The following CLYBL variants were observed in gnomAD, a reference collection of about 807,000 sequenced individuals.
CLYBL encodes the protein citramalyl-CoA lyase.
Under a neutral mutation model 38.9 loss-of-function variants are expected in CLYBL, and 31 were observed. The ratio of observed to expected loss-of-function variants is 0.80; its 90% CI spans 0.60 to 1.08. The LOEUF is 1.08. Among genes scored for constraint, CLYBL ranks in the 50% least tolerant of loss-of-function variants. The pLI is 0.00. For synonymous variants in CLYBL, 171 were observed against 158.6 expected (o/e 1.08, Z -0.59); for missense variants, 434 against 411.6 (o/e 1.05, Z -0.47).
chr13:99,667,373 C>T (rs184075410), intron 1 of CLYBL, among the ~76,000 whole-genome samples: 263 of 152,040 alleles, frequency 1.7e-3, no homozygotes, highest in Non-Finnish European at 3.0e-3. Flanking sequence ...CCTCCCCACC[C>T]ACATACACAT....
chr13:99,715,029 A>G (rs995199618), intron 1 of CLYBL, among the ~76,000 whole-genome samples: 16 of 152,310 alleles, frequency 1.1e-4, no homozygotes, highest in African/African-American at 3.8e-4. Context: ...GATGGGCCTC[A>G]CTGTAAGGTT....
At chr13:99,886,920 C>T (rs894530338) in intron 7 of CLYBL, among the ~76,000 whole-genome samples, 1 of 152,156 alleles carries the variant, frequency 6.6e-6, no homozygotes, top group Non-Finnish European at 1.5e-5. Context: ...CTCACCAGGG[C>T]CTGGCACAAG....
chr13:99,861,714 T>C (rs1023953653), intron 3 of CLYBL, among the ~76,000 whole-genome samples: 1 of 152,152 alleles, frequency 6.6e-6, no homozygotes, highest in Non-Finnish European at 1.5e-5. Flanking sequence ...AAAGCTGTGA[T>C]TTATTTTAGC....
chr13:99,659,396 T>TA (rs1469111696), intron 1 of CLYBL, among the ~76,000 whole-genome samples: 1 of 152,182 alleles, frequency 6.6e-6, no homozygotes, highest in Non-Finnish European at 1.5e-5. Flanking sequence ...ATCTGCTGTG[T>TA]TTAATAGCAA....
At chr13:99,883,604 G>T (rs10220015) in intron 7 of CLYBL, among the ~76,000 whole-genome samples, 5 of 151,930 alleles carry the variant, frequency 3.3e-5, no homozygotes, top group Admixed American at 6.6e-5. Flanking sequence ...AGTAGGCTGC[G>T]TGTCCTCAGG....
intron 1 of CLYBL, among the ~76,000 whole-genome samples, chr13:99,761,513 C>CT (rs1256848981): frequency 6.6e-6 from 1 of 152,072 alleles, no homozygotes; most frequent in Non-Finnish European, 1.5e-5. Flanking sequence ...GGATTTCATT[C>CT]TTTTTTATGG....
At chr13:99,875,807 G>A (rs2052024103) in intron 7 of CLYBL, among the ~76,000 whole-genome samples, 1 of 152,148 alleles carries the variant, frequency 6.6e-6, no homozygotes, top group South Asian at 2.1e-4. Context: ...GGTTTGTAGT[G>A]AAAATGAAAG....
chr13:99,814,968 G>A (rs779001418), intron 2 of CLYBL, among the ~76,000 whole-genome samples: 6 of 152,074 alleles, frequency 3.9e-5, no homozygotes, highest in East Asian at 1.9e-4. Flanking sequence ...TCAAGACTGC[G>A]GTGAGCCATG....
At chr13:99,701,116 C>T (rs1398990925) in intron 1 of CLYBL, among the ~76,000 whole-genome samples, 1 of 152,072 alleles carries the variant, frequency 6.6e-6, no homozygotes, top group African/African-American at 2.4e-5. Flanking sequence ...GCCTTGGGTG[C>T]CCTCAGGGGC....
At chr13:99,805,727 C>T (rs1219172065) in intron 2 of CLYBL, among the ~76,000 whole-genome samples, 1 of 152,120 alleles carries the variant, frequency 6.6e-6, no homozygotes, top group Non-Finnish European at 1.5e-5. Context: ...AGGTACTTAA[C>T]ATTTTTAATT....
intron 1 of CLYBL, among the ~76,000 whole-genome samples, chr13:99,716,169 A>AGTTTTTTTTTTTTTTTTT (rs1361639397): frequency 3.0e-5 from 1 of 33,434 alleles, no homozygotes; most frequent in African/African-American, 9.9e-5. Flanking sequence ...TATTGGTGTA[A>AGTTTTTTTTTTTTTTTTT]TTTTTTTTTT....
At chr13:99,906,747 G>T (rs2052702538) in intron 9 of CLYBL, among the ~76,000 whole-genome samples, 1 of 152,204 alleles carries the variant, frequency 6.6e-6, no homozygotes, top group African/African-American at 2.4e-5. Context: ...ATTACAAGAT[G>T]ACTCAGATTT....
chr13:99,809,514 G>GC (rs2050298189), intron 2 of CLYBL, among the ~76,000 whole-genome samples: 1 of 152,346 alleles, frequency 6.6e-6, no homozygotes, highest in East Asian at 1.9e-4. Flanking sequence ...TTGGGGGAAG[G>GC]CATTCCCCTT....
At chr13:99,784,999 C>G (rs1335241298) in intron 2 of CLYBL, among the ~76,000 whole-genome samples, 1 of 151,604 alleles carries the variant, frequency 6.6e-6, no homozygotes, top group Non-Finnish European at 1.5e-5. Flanking sequence ...TCAAGTGATT[C>G]TCCTGTCCTC....
intron 2 of CLYBL, among the ~76,000 whole-genome samples, chr13:99,826,490 C>T (rs1284186072): frequency 1.3e-5 from 2 of 152,182 alleles, no homozygotes; most frequent in Non-Finnish European, 2.9e-5. Flanking sequence ...GATACAGCTG[C>T]TCTCTATCCA....
intron 2 of CLYBL, among the ~76,000 whole-genome samples, chr13:99,798,426 A>G (rs2050065968): frequency 6.6e-6 from 1 of 152,156 alleles, no homozygotes; most frequent in African/African-American, 2.4e-5. Context: ...TTAGTCACCT[A>G]CCTCAAGTTT....
At chr13:99,785,627 C>A (rs9557302) in intron 2 of CLYBL, among the ~76,000 whole-genome samples, 7 of 143,314 alleles carry the variant, frequency 4.9e-5, no homozygotes, top group African/African-American at 1.8e-4. Context: ...GATGGAGTCT[C>A]GCTCTGTCAC....
chr13:99,664,787 A>T (rs1013531334), intron 1 of CLYBL, among the ~76,000 whole-genome samples: 1 of 152,216 alleles, frequency 6.6e-6, no homozygotes, highest in African/African-American at 2.4e-5. Flanking sequence ...TCTCTATAAA[A>T]TATGACCAAA....
In CLYBL at chr13:99,662,510, C is replaced by CTT. The variant is rs34634591; in HGVS notation, c.62+55771_62+55772dup. 3.1e-3 allele frequency among the ~76,000 whole-genome samples: 375 copies of CTT among 122,348 alleles called. 7 individuals are homozygous for CTT. Among genetic ancestry groups the CTT allele is most frequent in the African/African-American group, 0.011 (353 of 33,610 alleles). 80.3% of individuals were successfully genotyped at this position (122,348 alleles called of 152,430 possible). On this transcript the variant is annotated intron_variant, in intron 1 of 8. Coordinates refer to ENST00000339105, the MANE Select transcript of CLYBL (RefSeq NM_206808.5). ...ATTTGTGTATTCCAAATCTTTAAAA[C>CTT]TTTTTTTTTTTTTTTTTTTGGTCAG...
Sources: gnomAD v4.1 joint callset for allele counts (sites outside exome capture counted in the v4.1 genomes callset) on GRCh38, gnomAD v4.1.1 for gene constraint, MANE v1.5 for transcripts, NCBI Gene and HGNC (gene_info 2026-07-23, HGNC 2026-07-21) for gene names.